The following FRMPD4 variants were observed in gnomAD, a reference collection of about 807,000 sequenced individuals.
FRMPD4 encodes FERM and PDZ domain-containing protein 4.
FRMPD4 carries 22 observed loss-of-function variants against 94.1 expected under a neutral mutation model. The observed-to-expected ratio is 0.23, with a 90% CI of 0.17 to 0.33. The LOEUF is 0.33. Ranked by LOEUF, FRMPD4 falls within the 10% of genes least tolerant of loss-of-function variation. The pLI is 1.00. For synonymous variants in FRMPD4, 631 were observed against 548.6 expected (o/e 1.15, Z -2.10); for missense variants, 1,111 against 1,339.9 (o/e 0.83, Z 2.67).
At chrX:11,971,261 C>T (rs2054338760) in intron 3 of FRMPD4, among the ~76,000 whole-genome samples, 2 of 112,490 alleles carry the variant, frequency 1.8e-5, no homozygotes, top group South Asian at 3.7e-4. Flanking sequence ...TGCAGCAATG[C>T]TTTTTGGGTA....
intron 3 of FRMPD4, among the ~76,000 whole-genome samples, chrX:12,030,611 G>T (rs983232419): frequency 8.9e-6 from 1 of 112,152 alleles, no homozygotes; most frequent in Non-Finnish European, 1.9e-5. Flanking sequence ...CAATTTATTT[G>T]TTACGAGAGG....
At chrX:12,471,339 A>C (rs983080122) in intron 1 of FRMPD4, among the ~76,000 whole-genome samples, 13 of 112,313 alleles carry the variant, frequency 1.2e-4, no homozygotes, top group Non-Finnish European at 2.3e-4. Context: ...AGTGCTTATA[A>C]GTAATGGAGC....
At chrX:11,951,082 GA>G (rs930041253) in intron 3 of FRMPD4, among the ~76,000 whole-genome samples, 10 of 100,522 alleles carry the variant, frequency 9.9e-5, no homozygotes, top group African/African-American at 1.8e-4. Flanking sequence ...AAAAAAAAAG[GA>G]AAAAAACAAC....
chrX:12,637,786 TTTTAA>T (rs1211254542), intron 4 of FRMPD4, among the ~76,000 whole-genome samples: 8 of 112,443 alleles, frequency 7.1e-5, no homozygotes, highest in African/African-American at 9.7e-5. Context: ...AGAAATGGCT[TTTTAA>T]TTTAATTATG....
At chrX:12,245,512 CTTTTT>C (rs566550884) in intron 1 of FRMPD4, among the ~76,000 whole-genome samples, 1 of 67,578 alleles carries the variant, frequency 1.5e-5, no homozygotes, top group African/African-American at 5.5e-5. Flanking sequence ...CTTATGTCCT[CTTTTT>C]TTTTTTTTTT....
chrX:12,107,786 A>C (rs2147517936), intron 3 of FRMPD4, among the ~76,000 whole-genome samples: 1 of 112,224 alleles, frequency 8.9e-6, no homozygotes, highest in South Asian at 3.7e-4. Flanking sequence ...CACAAGCTTC[A>C]GTAGCCAATT....
chrX:12,364,082 A>AT (rs1333130870), intron 1 of FRMPD4, among the ~76,000 whole-genome samples: 7 of 111,054 alleles, frequency 6.3e-5, no homozygotes, highest in Non-Finnish European at 9.5e-5. Flanking sequence ...TGAAATCTCC[A>AT]TTTTTTCTCA....
At chrX:12,550,812 GTACT>G (rs1439239638) in intron 2 of FRMPD4, among the ~76,000 whole-genome samples, 1 of 88,167 alleles carries the variant, frequency 1.1e-5, no homozygotes, top group Non-Finnish European at 2.2e-5. Flanking sequence ...ACATCTATGT[GTACT>G]TACTTTCTCT....
intron 1 of FRMPD4, among the ~76,000 whole-genome samples, chrX:12,310,050 C>T (rs1165187231): frequency 2.7e-5 from 3 of 112,151 alleles, no homozygotes; most frequent in Non-Finnish European, 5.6e-5. Context: ...TGTGAAGAGA[C>T]CACCGAACAG....
chrX:12,388,095 A>G (rs756145031), intron 1 of FRMPD4, among the ~76,000 whole-genome samples: 6 of 111,249 alleles, frequency 5.4e-5, no homozygotes, highest in African/African-American at 2.0e-4. Flanking sequence ...TTCCGGGGAG[A>G]ACTGGGTATT....
rs148456207 is a variant in FRMPD4, at chrX:12,178,165, A to G, written c.41+39153A>G. On this transcript the variant is annotated intron_variant, in intron 1 of 16. Transcript: ENST00000675598. ...TTTGCCCCTTCTGCCATTTGAGGAT[A>G]CAGCAAGAAGGCACCATCTTTGAAG... 4.8e-3 allele frequency among the ~76,000 whole-genome samples: 537 copies of G among 111,689 alleles called. 5 individuals are homozygous for G. Among genetic ancestry groups the G allele is most frequent in the African/African-American group, 0.017 (511 of 30,717 alleles).
intron 1 of FRMPD4, among the ~76,000 whole-genome samples, chrX:12,343,489 G>GT (rs1268652683): frequency 1.8e-5 from 2 of 110,920 alleles, no homozygotes; most frequent in Non-Finnish European, 3.8e-5. Context: ...CTCTAGGGAT[G>GT]TAAGAGTTGA....
At chrX:12,085,282 C>T (rs948852756) in intron 3 of FRMPD4, among the ~76,000 whole-genome samples, 1 of 112,054 alleles carries the variant, frequency 8.9e-6, no homozygotes, top group Non-Finnish European at 1.9e-5. Context: ...TCTGAGAGGG[C>T]TTATGTTTTA....
chrX:12,465,170 GAAC>G (rs963870025), intron 1 of FRMPD4, among the ~76,000 whole-genome samples: 2 of 111,680 alleles, frequency 1.8e-5, no homozygotes, highest in Non-Finnish European at 1.9e-5. Flanking sequence ...TCTGGAGTTA[GAAC>G]AACACTGTCC....
intron 2 of FRMPD4, among the ~76,000 whole-genome samples, chrX:12,589,604 A>G (rs1216553506): frequency 8.9e-6 from 1 of 111,904 alleles, no homozygotes; most frequent in Non-Finnish European, 1.9e-5. Context: ...TGTCTATCCA[A>G]CCTGCATTTT....
chrX:12,032,019 GT>G (rs747278015), intron 3 of FRMPD4, among the ~76,000 whole-genome samples: 4 of 111,770 alleles, frequency 3.6e-5, no homozygotes, highest in Non-Finnish European at 5.6e-5. Context: ...CCAGGTTTTG[GT>G]TTGGTGGCAT....
chrX:11,941,477 CCA>C (rs2054159742), intron 3 of FRMPD4, among the ~76,000 whole-genome samples: 2 of 112,202 alleles, frequency 1.8e-5, no homozygotes. Flanking sequence ...TCTTCCTCTC[CCA>C]CAGTTAGCCG....
At chrX:12,492,734 G>A (rs1297578829) in intron 1 of FRMPD4, among the ~76,000 whole-genome samples, 2 of 111,638 alleles carry the variant, frequency 1.8e-5, no homozygotes, top group African/African-American at 6.5e-5. Flanking sequence ...GTTATTTTCA[G>A]GCTATTAATG....
intron 4 of FRMPD4, among the ~76,000 whole-genome samples, chrX:12,673,838 A>G (rs2059867532): frequency 9.2e-6 from 1 of 108,953 alleles, no homozygotes; most frequent in South Asian, 4.0e-4. Flanking sequence ...CCCCTACCCC[A>G]CTCCCCAACT....
Sources: gnomAD v4.1 joint callset for allele counts (sites outside exome capture counted in the v4.1 genomes callset) on GRCh38, gnomAD v4.1.1 for gene constraint, MANE v1.5 for transcripts, NCBI Gene and HGNC (gene_info 2026-07-23, HGNC 2026-07-21) for gene names.